UNC13C: variants seen among roughly 807,000 people sequenced by gnomAD.
UNC13C encodes protein unc-13 homolog C.
Under a neutral mutation model 245.4 loss-of-function variants are expected in UNC13C, and 174 were observed. The observed-to-expected ratio is 0.71, with a 90% CI of 0.63 to 0.80. The LOEUF (loss-of-function observed/expected upper bound fraction) is 0.80, where lower values mean the gene tolerates loss of function less well. UNC13C is among the 30% of genes least tolerant of loss of function. The pLI is 0.00. For synonymous variants in UNC13C, 992 were observed against 895.1 expected, an observed-to-expected ratio of 1.11 and a Z score of -1.93; for missense variants, 2,829 against 2,602.9, an observed-to-expected ratio of 1.09 and a Z score of -1.89.
intron 17 of UNC13C, among the ~76,000 whole-genome samples, chr15:54,365,147 C>T (rs1271289467): frequency 6.6e-6 from 1 of 151,950 alleles, no homozygotes; most frequent in Non-Finnish European, 1.5e-5. Context: ...TTTTCTTGGC[C>T]CTCTCAGTAT....
At chr15:54,361,835 C>T (rs1243926015) in intron 17 of UNC13C, among the ~76,000 whole-genome samples, 1 of 152,212 alleles carries the variant, frequency 6.6e-6, no homozygotes, top group Non-Finnish European at 1.5e-5. Context: ...GCTATTATTT[C>T]CCAGTCTGGG....
At chr15:54,172,053 A>C (rs2033418722) in intron 4 of UNC13C, among the ~76,000 whole-genome samples, 1 of 152,118 alleles carries the variant, frequency 6.6e-6, no homozygotes, top group Non-Finnish European at 1.5e-5. Flanking sequence ...GGAGCTAAAA[A>C]TTAAAACAAT....
At chr15:54,529,050 A>T (rs904250096) in intron 25 of UNC13C, among the ~76,000 whole-genome samples, 2 of 152,194 alleles carry the variant, frequency 1.3e-5, no homozygotes, top group East Asian at 3.9e-4. Flanking sequence ...TTTAAAGCAG[A>T]TAAATATGCA....
intron 22 of UNC13C, among the ~76,000 whole-genome samples, chr15:54,501,430 T>C (rs1426164223): frequency 6.6e-6 from 1 of 152,144 alleles, no homozygotes; most frequent in Non-Finnish European, 1.5e-5. Flanking sequence ...ATAGTTCAAG[T>C]TTTTTATGAA....
At chr15:54,263,401 C>T (rs1187578001) in intron 8 of UNC13C, among the ~76,000 whole-genome samples, 1 of 152,112 alleles carries the variant, frequency 6.6e-6, no homozygotes, top group African/African-American at 2.4e-5. Context: ...GACTATCTAG[C>T]CAGTAGCTTA....
intron 17 of UNC13C, among the ~76,000 whole-genome samples, chr15:54,347,156 G>T (rs1192194264): frequency 1.3e-5 from 2 of 152,124 alleles, no homozygotes; most frequent in African/African-American, 2.4e-5. Flanking sequence ...GAATGAGGAG[G>T]ATAGATAAGA....
chr15:54,456,189 A>C (rs891997614), intron 19 of UNC13C, among the ~76,000 whole-genome samples: 1 of 152,102 alleles, frequency 6.6e-6, no homozygotes. Flanking sequence ...TGGGTTCTCT[A>C]TTCTGTTCCA....
intron 2 of UNC13C, among the ~76,000 whole-genome samples, chr15:54,019,908 CT>C (rs1895818841): frequency 2.6e-5 from 4 of 152,146 alleles, no homozygotes; most frequent in African/African-American, 9.7e-5. Flanking sequence ...ATTATTGTGA[CT>C]TGGTGGTCCT....
intron 10 of UNC13C, among the ~76,000 whole-genome samples, chr15:54,276,270 ATTTCAAATG>A (rs1353320811): frequency 1.3e-5 from 2 of 152,134 alleles, no homozygotes; most frequent in Non-Finnish European, 2.9e-5. Flanking sequence ...AATATTGTAC[ATTTCAAATG>A]TATGCAGCTA....
At chr15:54,205,566 C>G (rs1291535186) in intron 4 of UNC13C, among the ~76,000 whole-genome samples, 3 of 152,000 alleles carry the variant, frequency 2.0e-5, no homozygotes, top group South Asian at 2.1e-4. Flanking sequence ...TTATTATAAC[C>G]ATAGTAATCG....
At chr15:54,246,378 CT>C (rs1345233275) in intron 7 of UNC13C, among the ~76,000 whole-genome samples, 5 of 146,222 alleles carry the variant, frequency 3.4e-5, no homozygotes, top group African/African-American at 1.3e-4. Flanking sequence ...AAATTGCCTT[CT>C]TTTTTGGAAT....
At chr15:54,591,887 T>C (rs8024840) in intron 30 of UNC13C, among the ~76,000 whole-genome samples, 4,378 of 152,182 alleles carry the variant, frequency 0.029, 212 homozygotes, top group African/African-American at 0.099. Context: ...TGACCTTAGA[T>C]TGTCTGTGTG....
At chr15:54,589,219 T>C (rs985440858) in intron 30 of UNC13C, among the ~76,000 whole-genome samples, 1 of 151,948 alleles carries the variant, frequency 6.6e-6, no homozygotes, top group African/African-American at 2.4e-5. Flanking sequence ...GATTTGCATT[T>C]CGTTGATCAT....
At chr15:54,629,219 A>G (rs1230761483), downstream of UNC13C, 1 of 152,164 alleles carries the variant, frequency 6.6e-6, no homozygotes, top group Non-Finnish European at 1.5e-5. Flanking sequence ...TGTTATCACA[A>G]GTGGAAGCTA....
At chr15:54,415,183 TTTA>T in intron 19 of UNC13C, 116 bp downstream of exon 19, 2 of 734,672 alleles carry the variant, frequency 2.7e-6, no homozygotes, top group African/African-American at 1.8e-5. Flanking sequence ...CTGTGATCAG[TTTA>T]GTTCTAAAAC....
chr15:54,630,785 T>C (rs1233698393), downstream of UNC13C: 4 of 152,076 alleles, frequency 2.6e-5, no homozygotes, highest in African/African-American at 9.7e-5. Flanking sequence ...AACTAGGATA[T>C]GTGATATGAA....
At chr15:54,230,271 A>C (rs532437337) in intron 4 of UNC13C, among the ~76,000 whole-genome samples, 9 of 152,126 alleles carry the variant, frequency 5.9e-5, no homozygotes, top group Non-Finnish European at 1.2e-4. Flanking sequence ...TATTATTTTC[A>C]TGATAACTCT....
chr15:54,382,104 A>G (rs1239529267), intron 17 of UNC13C, among the ~76,000 whole-genome samples: 1 of 152,212 alleles, frequency 6.6e-6, no homozygotes, highest in Non-Finnish European at 1.5e-5. Flanking sequence ...TTTGGAATCT[A>G]TACATATACT....
the UNC13C span, among the ~76,000 whole-genome samples, chr15:53,898,546 C>A: frequency 6.6e-6 from 1 of 152,104 alleles, no homozygotes; most frequent in Non-Finnish European, 1.5e-5. Context: ...TCTTCTGATT[C>A]CCTAGTAAAT....
Sources: allele counts gnomAD v4.1 joint callset (sites outside exome capture counted in the v4.1 genomes callset), GRCh38; gene constraint gnomAD v4.1.1; transcripts MANE v1.5; gene names NCBI Gene and HGNC (gene_info 2026-07-23, HGNC 2026-07-21).